Variants in MAPK9 observed in about 807,000 individuals in gnomAD.
MAPK9 encodes mitogen-activated protein kinase 9, also known as Jun kinase.
In MAPK9, 30 loss-of-function variants were observed where a neutral mutation model predicts 57.1. The ratio of observed to expected loss-of-function variants is 0.53; its 90% CI spans 0.39 to 0.71. The LOEUF (loss-of-function observed/expected upper bound fraction) is 0.71, where lower values mean the gene tolerates loss of function less well. Ranked by LOEUF, MAPK9 falls within the 30% of genes least tolerant of loss-of-function variation. The pLI, the probability that MAPK9 is intolerant of heterozygous loss-of-function variation, is 0.00. For synonymous variants in MAPK9, 155 were observed against 177.0 expected (o/e 0.88, Z 0.99); for missense variants, 362 against 521.0 (o/e 0.69, Z 2.97).
At position 180,236,534 on chromosome 5, in the gene MAPK9, A is replaced by G; in HGVS notation, c.1133-8T>C. On this transcript the variant is annotated splice_region_variant and splice_polypyrimidine_tract_variant and intron_variant, in intron 11 of 11. Transcript: ENST00000452135. ...TGCTACTTACTGCTGCATCTGTGCT[A>G]AGAAAACCAAATATAATAAAATCTG... The G allele has an allele frequency of 1.2e-6, 2 of 1,610,906 alleles. No homozygotes were observed. The highest frequency in any genetic ancestry group is 1.7e-6 in the Non-Finnish European group (2 of 1,177,694).
At chr5:180,257,707 GAA>G in intron 5 of MAPK9, 1 of 153,056 alleles carries the variant, frequency 6.5e-6, no homozygotes, top group South Asian at 2.0e-4. Flanking sequence ...CCAGAACAGT[GAA>G]AGTCATTTCA....
chr5:180,248,856 G>T, intron 6 of MAPK9, 117 bp downstream of exon 6: 2 of 948,740 alleles, frequency 2.1e-6, no homozygotes, highest in South Asian at 2.9e-5. Context: ...CTATATTCTG[G>T]GTGTAACAGT....
chr5:180,287,604 C>T (rs536592306), intron 1 of MAPK9, among the ~76,000 whole-genome samples: 2 of 152,308 alleles, frequency 1.3e-5, no homozygotes, highest in African/African-American at 2.4e-5. Context: ...CACCCAGCTA[C>T]TGCACACCTT....
chr5:180,264,583 G>A lies in MAPK9; in HGVS notation c.311+198C>T, dbSNP rs1760333178. Among the ~76,000 whole-genome samples the A allele has an allele frequency of 2.0e-5, 3 of 152,174 alleles. No homozygotes were observed. In the South Asian group the frequency reaches 6.2e-4, roughly 32 times the overall value. ...CCAGTCATCCTTTATCTGTTATGAA[G>A]ATGAAAACCCATGTGGTACAAATAA... On this transcript the variant is annotated intron_variant, in intron 4 of 11. Coordinates refer to ENST00000452135, the MANE Select transcript of MAPK9 (RefSeq NM_002752.5).
chr5:180,241,077 C>T lies in MAPK9; in HGVS notation c.950G>A (p.Arg317His), dbSNP rs376717703. The stretch of plus-strand genomic sequence containing the variant: ...ATACCAAACAGTGATGTATGGGTGA[C>T]GCAGAGCTTCGTCTACAGAGATCCG... Reference protein sequence around the residue: ...DKRISVDEALRHPYITVWYDP... With the variant: ...DKRISVDEALHHPYITVWYDP... Residue 317 changes from arginine to histidine, a missense_variant, in exon 9 of 12, where the codon CGT (arginine) becomes CAT (histidine). Physicochemically the swap from Arg to His is conservative, Grantham distance 29. This residue lies in a region of MAPK9 where 199 missense variants were observed against 251.3 expected (regional missense o/e 0.79). Transcript: ENST00000452135. The T allele has an allele frequency of 8.8e-5, 142 of 1,613,866 alleles. 1 individual carries two copies. The highest frequency in any genetic ancestry group is 2.3e-4 in the South Asian group (21 of 91,062).
intron 5 of MAPK9, among the ~76,000 whole-genome samples, chr5:180,261,317 A>C (rs1759929525): frequency 1.3e-5 from 2 of 152,392 alleles, no homozygotes; most frequent in African/African-American, 2.4e-5. Flanking sequence ...GGGATTTCAC[A>C]TATGGCAAAT....
chr5:180,287,370 C>A (rs1160268622), intron 1 of MAPK9, among the ~76,000 whole-genome samples: 2 of 152,140 alleles, frequency 1.3e-5, no homozygotes, highest in Admixed American at 1.3e-4. Context: ...CCTCTCTGTG[C>A]CATTTGTGCA....
At position 180,247,283 on chromosome 5, in the gene MAPK9, G is replaced by A; in HGVS notation, c.688+156C>T. 5 of 712,392 alleles carry A rather than the reference G, an allele frequency of 7.0e-6. No individual in the cohort carries two copies. Among genetic ancestry groups the A allele is most frequent in the Non-Finnish European group, 1.2e-5 (5 of 425,130 alleles). 44.1% of individuals were successfully genotyped at this position (712,392 alleles called of 1,614,324 possible). ...AGAATGAAATTGAACCACTTGGCTT[G>A]TGACACTAATTAACAAATACAGTAA... On this transcript the variant is annotated intron_variant, in intron 7 of 11. Transcript: ENST00000452135. This position sits in a 1 kb window ranked among gnomAD's most constrained non-coding sequence, Gnocchi z 4.5.
In MAPK9 at chr5:180,280,513, C is replaced by G; in HGVS notation, c.49G>C (p.Asp17His). Residue 17 changes from aspartate (D) to histidine (H), a missense_variant, in exon 2 of 12, where the codon GAC becomes CAC. By Grantham distance (81) the Asp-to-His change is moderately conservative (BLOSUM62 -1). Transcript: ENST00000452135. ...CGTTTTAGGACAGTGAAGGTTGAGTCTGCCACTTGCACACTATAAAACTGA... is the reference window on the plus strand; with the variant it reads ...CGTTTTAGGACAGTGAAGGTTGAGTGTGCCACTTGCACACTATAAAACTGA... ...DSQFYSVQVA[D>H]STFTVLKRYQ... 1 of 1,614,224 alleles carries G rather than the reference C, an allele frequency of 6.2e-7. No individual in the cohort carries two copies.
At chr5:180,285,280 T>C (rs1762634986) in intron 1 of MAPK9, among the ~76,000 whole-genome samples, 1 of 152,194 alleles carries the variant, frequency 6.6e-6, no homozygotes, top group African/African-American at 2.4e-5. Context: ...ATGGCTCAGA[T>C]TTGAATTTAG....
chr5:180,276,981 G>T lies in MAPK9; in HGVS notation c.122+3459C>A, dbSNP rs1241763519. Among the ~76,000 whole-genome samples, 7 of 152,272 alleles carry T rather than the reference G, an allele frequency of 4.6e-5. No homozygotes were observed. In the South Asian group the frequency reaches 8.3e-4, roughly 18 times the overall value. ...AAAAACAATTCAAAATTAGGAACCA[G>T]AATATTTTCTTCTGGCTCCAGCTCT... On this transcript the variant is annotated intron_variant, in intron 2 of 11. Coordinates refer to ENST00000452135, the MANE Select transcript of MAPK9 (RefSeq NM_002752.5).
At chr5:180,272,766 G>C (rs1334859985) in intron 2 of MAPK9, among the ~76,000 whole-genome samples, 1 of 152,170 alleles carries the variant, frequency 6.6e-6, no homozygotes, top group Admixed American at 6.5e-5. Flanking sequence ...GTTGTTTTTA[G>C]TTTTCAATCT....
chr5:180,263,703 A>C (rs1194147355), intron 4 of MAPK9, among the ~76,000 whole-genome samples: 1 of 82,762 alleles, frequency 1.2e-5, no homozygotes, highest in Non-Finnish European at 2.2e-5. Context: ...GCGGCACCAA[A>C]TTCTTTTTTT....
intron 2 of MAPK9, among the ~76,000 whole-genome samples, chr5:180,275,474 T>C (rs1232585728): frequency 2.0e-5 from 3 of 152,184 alleles, no homozygotes; most frequent in Non-Finnish European, 4.4e-5. Flanking sequence ...GGCCCTGGAC[T>C]CTCATCCCTG....
At chr5:180,288,312 G>A (rs1161275601) in intron 1 of MAPK9, among the ~76,000 whole-genome samples, 2 of 152,196 alleles carry the variant, frequency 1.3e-5, no homozygotes, top group African/African-American at 4.8e-5. Flanking sequence ...CAAAGAAATA[G>A]GAGGGGGATC....
In MAPK9 at chr5:180,280,541, G is replaced by A; in HGVS notation, c.21C>T (p.Asp7=). 6.2e-7 allele frequency: 1 copy of A among 1,614,096 alleles called. No individual in the cohort carries two copies. Among genetic ancestry groups the A allele is most frequent in the South Asian group, 1.1e-5 (1 of 91,048 alleles). MSDSKC[D]SQFYSVQVAD... Reference sequence around the variant, plus strand: ...CCACTTGCACACTATAAAACTGACTGTCACATTTACTGTCGCTCATGATGC... The same window carrying A: ...CCACTTGCACACTATAAAACTGACTATCACATTTACTGTCGCTCATGATGC... The change falls in exon 2 of 12, where the codon GAC becomes GAT. Residue 7 remains aspartate (D), a synonymous_variant. Coordinates refer to ENST00000452135, the MANE Select transcript of MAPK9 (RefSeq NM_002752.5).
intron 1 of MAPK9, among the ~76,000 whole-genome samples, chr5:180,288,426 A>C (rs545033047): frequency 1.3e-5 from 2 of 152,360 alleles, no homozygotes; most frequent in South Asian, 4.1e-4. Flanking sequence ...TTCATGGGGC[A>C]GCTGGAAATT....
intron 3 of MAPK9, among the ~76,000 whole-genome samples, chr5:180,267,926 T>A (rs551101584): frequency 3.3e-5 from 5 of 152,112 alleles, no homozygotes; most frequent in South Asian, 2.1e-4. Context: ...GCAGTGGTGC[T>A]ATCTCAGCTC....
In MAPK9 at chr5:180,238,344, C is replaced by A; in HGVS notation, c.1120G>T (p.Asp374Tyr). Residue 374 changes from aspartate to tyrosine, a missense_variant, in exon 11 of 12, where the codon GAT (aspartate) becomes TAT (tyrosine). By Grantham distance (160) the Asp-to-Tyr change is radical. Coordinates refer to ENST00000452135, the MANE Select transcript of MAPK9 (RefSeq NM_002752.5). ...AGCAATCACTAACCTGAAGGCTGAT[C>A]TTTTACAACACCATTCTTGCTTCTT... ...EERSKNGVVK[D>Y]QPSDAAVSSN... The A allele has an allele frequency of 6.2e-7, 1 of 1,612,332 alleles. No individual in the cohort carries two copies. Among genetic ancestry groups the A allele is most frequent in the Non-Finnish European group, 8.5e-7 (1 of 1,178,648 alleles).
Sources: allele counts gnomAD v4.1 joint callset (sites outside exome capture counted in the v4.1 genomes callset), GRCh38; gene constraint gnomAD v4.1.1; regional missense constraint gnomAD v4.1.1; non-coding constraint Gnocchi (gnomAD v3.1); transcripts MANE v1.5; gene names NCBI Gene and HGNC (gene_info 2026-07-23, HGNC 2026-07-21).